FMN1: variants seen among roughly 807,000 people sequenced by gnomAD.
The protein encoded by FMN1 is formin-1.
A neutral mutation model predicts 132.4 loss-of-function variants in FMN1; 110 were observed. The observed-to-expected ratio is 0.83, with a 90% CI of 0.71 to 0.97. FMN1 has a LOEUF of 0.97. Among genes scored for constraint, FMN1 ranks in the 50% least tolerant of loss-of-function variants. The probability of loss-of-function intolerance (pLI) is 0.00; values close to 1 mark genes in which losing one functional copy is unlikely to be tolerated. For synonymous variants in FMN1, 722 were observed against 651.7 expected (o/e 1.11, Z -1.64); for missense variants, 1,792 against 1,705.3 (o/e 1.05, Z -0.90).
At chr15:33,130,593 T>C (rs1963499918) in intron 4 of FMN1, among the ~76,000 whole-genome samples, 1 of 152,170 alleles carries the variant, frequency 6.6e-6, no homozygotes, top group South Asian at 2.1e-4. Flanking sequence ...TAAGGCAATT[T>C]TGTTAATAGG....
chr15:32,972,376 T>G lies in FMN1; in HGVS notation c.2224-2899A>C, dbSNP rs2140688723. On this transcript the variant is annotated intron_variant, in intron 7 of 20. Coordinates refer to ENST00000616417, the MANE Select transcript of FMN1 (RefSeq NM_001277313.2). Reference sequence around the variant, plus strand: ...ACCTCTTTTCCTTCGCAGCAGAACTTTTTTGAAAAAAGCACTTGACCCATG... The same window carrying G: ...ACCTCTTTTCCTTCGCAGCAGAACTGTTTTGAAAAAAGCACTTGACCCATG... Among the ~76,000 whole-genome samples the G allele has an allele frequency of 1.3e-5, 2 of 152,300 alleles. 1 individual carries two copies. The highest frequency in any genetic ancestry group is 6.8e-3 in the Middle Eastern group (2 of 294).
chr15:32,933,687 G>C (rs1443075536), intron 9 of FMN1, among the ~76,000 whole-genome samples: 1 of 152,066 alleles, frequency 6.6e-6, no homozygotes, highest in Non-Finnish European at 1.5e-5. Context: ...CTGGTGAATT[G>C]ACCCTTTTAT....
Position 32,900,783 on chromosome 15 carries a change from T to C in FMN1, c.3508-658A>G, listed in dbSNP as rs75644099. 1.6e-3 allele frequency among the ~76,000 whole-genome samples: 250 copies of C among 152,344 alleles called. 1 individual carries two copies. The highest frequency in any genetic ancestry group is 6.8e-3 in the Middle Eastern group (2 of 294). On this transcript the variant is annotated intron_variant, in intron 13 of 20. Coordinates refer to ENST00000616417, the MANE Select transcript of FMN1 (RefSeq NM_001277313.2). ...GTTTGTCCTTTTATTTATTTTTTAC[T>C]TCAAGTACAATTTTCCAATTGAAAT...
In FMN1 at chr15:32,939,760, G is replaced by A. The variant is rs1047601807; in HGVS notation, c.3139-13499C>T. Among the ~76,000 whole-genome samples, 6 of 152,158 alleles carry A rather than the reference G, an allele frequency of 3.9e-5. No individual in the cohort carries two copies. The East Asian group carries it at 7.7e-4, about 20-fold the overall frequency. On this transcript the variant is annotated intron_variant, in intron 9 of 20. Transcript: ENST00000616417. ...GTGCTTGAAAGAAATCAAATTCAAC[G>A]AATCACACCTTCCATATCTATATAT...
At chr15:33,079,547 T>A (rs1242583783) in intron 5 of FMN1, among the ~76,000 whole-genome samples, 2 of 152,186 alleles carry the variant, frequency 1.3e-5, no homozygotes, top group African/African-American at 4.8e-5. Flanking sequence ...CACTTGAACC[T>A]GGGAGGCAGA....
intron 9 of FMN1, among the ~76,000 whole-genome samples, chr15:32,930,622 T>A (rs561179599): frequency 3.9e-5 from 6 of 152,250 alleles, no homozygotes; most frequent in African/African-American, 9.6e-5. Flanking sequence ...TCCCATTCTG[T>A]AAGTTGTCTT....
At chr15:32,815,142 C>T (rs1439633946) in intron 17 of FMN1, among the ~76,000 whole-genome samples, 4 of 152,020 alleles carry the variant, frequency 2.6e-5, no homozygotes, top group Non-Finnish European at 4.4e-5. Context: ...TGGGGTTTCC[C>T]CGTGTTAGCC....
At chr15:32,861,059 T>A (rs1359395724) in intron 16 of FMN1, among the ~76,000 whole-genome samples, 1 of 152,198 alleles carries the variant, frequency 6.6e-6, no homozygotes, top group Non-Finnish European at 1.5e-5. Context: ...AAAGAAAAGC[T>A]AGGATTTCCC....
chr15:32,807,682 A>G (rs2057730230), intron 17 of FMN1, among the ~76,000 whole-genome samples: 1 of 152,212 alleles, frequency 6.6e-6, no homozygotes, highest in African/African-American at 2.4e-5. Flanking sequence ...GCATCAGGTA[A>G]GATTTTGCAA....
intron 7 of FMN1, among the ~76,000 whole-genome samples, chr15:32,975,722 C>T (rs941515535): frequency 7.2e-5 from 11 of 152,036 alleles, no homozygotes; most frequent in African/African-American, 2.7e-4. Flanking sequence ...TAAGAATTCT[C>T]TTCACAGTCA....
At chr15:33,152,950 G>A in intron 4 of FMN1, 98 bp downstream of exon 4, 1 of 1,257,552 alleles carries the variant, frequency 8.0e-7, no homozygotes, top group Non-Finnish European at 1.1e-6. Context: ...AGGAATTTTG[G>A]TCCATTGTTA....
intron 6 of FMN1, among the ~76,000 whole-genome samples, chr15:33,057,232 T>G (rs973316034): frequency 6.6e-6 from 1 of 152,178 alleles, no homozygotes; most frequent in Non-Finnish European, 1.5e-5. Flanking sequence ...GTGGTTTTCT[T>G]TGACGGAAAG....
intron 6 of FMN1, among the ~76,000 whole-genome samples, chr15:33,013,795 T>C (rs887452682): frequency 1.3e-5 from 2 of 152,192 alleles, no homozygotes; most frequent in African/African-American, 4.8e-5. Flanking sequence ...TTCTACAAAG[T>C]AGTCAAAGGA....
chr15:33,047,193 A>G (rs1481019039), intron 6 of FMN1, among the ~76,000 whole-genome samples: 1 of 152,156 alleles, frequency 6.6e-6, no homozygotes, highest in Non-Finnish European at 1.5e-5. Context: ...TTCCCCCACC[A>G]TGAGCATCTT....
intron 19 of FMN1, among the ~76,000 whole-genome samples, chr15:32,786,812 C>G (rs2056894956): frequency 6.6e-6 from 1 of 152,212 alleles, no homozygotes; most frequent in African/African-American, 2.4e-5. Flanking sequence ...AGCCATCCCT[C>G]CAACCACTGC....
At chr15:33,042,939 A>G (rs1446604331) in intron 6 of FMN1, among the ~76,000 whole-genome samples, 2 of 152,078 alleles carry the variant, frequency 1.3e-5, no homozygotes, top group African/African-American at 4.8e-5. Context: ...ACCCCTTAAC[A>G]TATCCTTATC....
intron 6 of FMN1, chr15:33,012,725 G>T: frequency 1.3e-6 from 1 of 756,164 alleles, no homozygotes. Flanking sequence ...AACTTTCGTG[G>T]TGGCCATGGA....
At chr15:33,151,009 A>T in intron 4 of FMN1, 1 of 1,139,212 alleles carries the variant, frequency 8.8e-7, no homozygotes, top group Non-Finnish European at 1.1e-6. Flanking sequence ...GAAGCAGGAA[A>T]CTTCTCCCTG....
In FMN1 at chr15:33,066,986, G is replaced by C. The variant is rs746667474; in HGVS notation, c.2044-1912C>G. On this transcript the variant is annotated intron_variant, in intron 5 of 20. Coordinates refer to ENST00000616417, the MANE Select transcript of FMN1 (RefSeq NM_001277313.2). ...GAGCAAAGCTAAGTCCCCATCCTTT[G>C]GTTTAATTTCCGTGATGGTCTCTCC... 10 of 1,613,800 alleles carry C rather than the reference G, an allele frequency of 6.2e-6. No individual in the cohort carries two copies. In the African/African-American group the frequency reaches 1.3e-4, roughly 22 times the overall value.
Sources: allele counts gnomAD v4.1 joint callset (sites outside exome capture counted in the v4.1 genomes callset), GRCh38; gene constraint gnomAD v4.1.1; transcripts MANE v1.5; gene names NCBI Gene and HGNC (gene_info 2026-07-23, HGNC 2026-07-21).